Variants in DAB1 observed in about 807,000 individuals in gnomAD.
The protein encoded by DAB1 is DAB adaptor protein 1, also known as disabled homolog 1.
Under a neutral mutation model 64.6 loss-of-function variants are expected in DAB1, and 15 were observed. The ratio of observed to expected loss-of-function variants is 0.23; its 90% CI spans 0.16 to 0.36. DAB1 has a LOEUF of 0.36. Ranked by LOEUF, DAB1 falls within the 10% of genes least tolerant of loss-of-function variation. The pLI, the probability that DAB1 is intolerant of heterozygous loss-of-function variation, is 1.00. For synonymous variants in DAB1, 235 were observed against 251.9 expected, an observed-to-expected ratio of 0.93 and a Z score of 0.64; for missense variants, 596 against 706.7, an observed-to-expected ratio of 0.84 and a Z score of 1.78.
intron 9 of DAB1, among the ~76,000 whole-genome samples, chr1:57,061,261 A>C (rs939469996): frequency 3.4e-5 from 5 of 148,208 alleles, no homozygotes; most frequent in African/African-American, 1.3e-4. Context: ...ATCCTGGAAG[A>C]GTGGGTTATA....
chr1:58,493,116 G>T lies in DAB1; in HGVS notation n.257+12944C>A, dbSNP rs866610596. Among the ~76,000 whole-genome samples, 20 of 152,038 alleles carry T rather than the reference G, an allele frequency of 1.3e-4. No individual in the cohort carries two copies. The Middle Eastern group carries it at 0.01, about 78-fold the overall frequency. ...GGGATGCAAGGCTGGTTCAACATAC[G>T]CAAATCAATAAACGTAATCCAGCAT... On this transcript the variant is annotated intron_variant and non_coding_transcript_variant, in intron 3 of 20. Transcript: ENST00000485760.
chr1:57,358,983 A>G (rs998824707), intron 1 of DAB1, among the ~76,000 whole-genome samples: 2 of 152,102 alleles, frequency 1.3e-5, no homozygotes, highest in Non-Finnish European at 2.9e-5. Flanking sequence ...ATATTAATCA[A>G]AACTACAAAA....
intron 6 of DAB1, among the ~76,000 whole-genome samples, chr1:57,705,359 T>C (rs533474240): frequency 6.6e-6 from 1 of 152,170 alleles, no homozygotes; most frequent in Admixed American, 6.5e-5. Context: ...CTGGATTTTT[T>C]AAAAATCCAT....
rs527685918 is a variant in DAB1 at position 58,321,128 on chromosome 1, C to A, written n.309+22224G>T. Among the ~76,000 whole-genome samples, 29 of 152,350 alleles carry A rather than the reference C, an allele frequency of 1.9e-4. No individual in the cohort carries two copies. The South Asian group carries it at 3.3e-3, about 17-fold the overall frequency. On this transcript the variant is annotated intron_variant and non_coding_transcript_variant, in intron 4 of 20. Transcript: ENST00000485760. ...TGAGTCACCTCATCATCCCCTCTTG[C>A]CTTCTCAGAGCCTCCATTAACTATG...
intron 7 of DAB1, among the ~76,000 whole-genome samples, chr1:57,552,800 A>G (rs575268126): frequency 1.3e-5 from 2 of 152,142 alleles, no homozygotes; most frequent in African/African-American, 2.4e-5. Flanking sequence ...AAGCATTCAG[A>G]TTTATGCTCA....
At chr1:58,357,616 AAGACTT>A (rs1346048355) in intron 3 of DAB1, among the ~76,000 whole-genome samples, 1 of 152,210 alleles carries the variant, frequency 6.6e-6, no homozygotes. Context: ...TTAAGATGGT[AAGACTT>A]TCTGAAACAG....
intron 5 of DAB1, among the ~76,000 whole-genome samples, chr1:58,125,546 ATCT>A (rs972717251): frequency 4.6e-5 from 7 of 150,920 alleles, no homozygotes; most frequent in African/African-American, 1.7e-4. Flanking sequence ...GTCTCAAGTG[ATCT>A]TCTCACCTCA....
chr1:58,391,170 A>C (rs1198582541), intron 3 of DAB1, among the ~76,000 whole-genome samples: 1 of 152,208 alleles, frequency 6.6e-6, no homozygotes, highest in Admixed American at 6.5e-5. Flanking sequence ...AATTGCTACC[A>C]TTTCCAGGCC....
intron 2 of DAB1, among the ~76,000 whole-genome samples, chr1:57,213,415 A>G (rs921320287): frequency 4.6e-5 from 7 of 152,140 alleles, no homozygotes; most frequent in Non-Finnish European, 1.0e-4. Flanking sequence ...CACGGCCACC[A>G]AAATAGATAG....
At chr1:57,766,641 A>G (rs557249370) in intron 6 of DAB1, among the ~76,000 whole-genome samples, 8 of 152,184 alleles carry the variant, frequency 5.3e-5, no homozygotes, top group Admixed American at 2.0e-4. Flanking sequence ...TTTCCCTCAC[A>G]CCAACCATTT....
At chr1:58,090,964 A>G (rs1333932502) in intron 5 of DAB1, among the ~76,000 whole-genome samples, 1 of 152,190 alleles carries the variant, frequency 6.6e-6, no homozygotes, top group Non-Finnish European at 1.5e-5. Context: ...TGCTACACAC[A>G]TTTATTAACC....
intron 2 of DAB1, among the ~76,000 whole-genome samples, chr1:57,218,161 T>C (rs2100365920): frequency 6.6e-6 from 1 of 151,906 alleles, no homozygotes; most frequent in Non-Finnish European, 1.5e-5. Flanking sequence ...CCGGACGAGG[T>C]TGGGAAAGCC....
Position 57,145,330 on chromosome 1 carries a change from C to T in DAB1, c.167G>A (p.Arg56Gln), listed in dbSNP as rs2100824006. 1.2e-6 allele frequency: 2 copies of T among 1,614,064 alleles called. No homozygotes were observed. Among genetic ancestry groups the T allele is most frequent in the Non-Finnish European group, 8.5e-7 (1 of 1,179,976 alleles). ...GGAATCTTGACATAACTTGTCTCCC[C>T]GAGCTGCGGAAACTTCATCAATCCC... Reference protein sequence around the residue: ...LIGIDEVSAARGDKLCQDSMM... With the variant: ...LIGIDEVSAAQGDKLCQDSMM... The change falls in exon 3 of 15, where the codon CGG becomes CAG. Residue 56 changes from arginine to glutamine, a missense_variant. By Grantham distance (43) the Arg-to-Gln change is conservative. Coordinates refer to ENST00000371236, the MANE Select transcript of DAB1 (RefSeq NM_001365792.1).
At chr1:56,999,625 C>T (rs1645768210) in intron 14 of DAB1, among the ~76,000 whole-genome samples, 1 of 152,164 alleles carries the variant, frequency 6.6e-6, no homozygotes, top group South Asian at 2.1e-4. Flanking sequence ...TTGCTTTCTA[C>T]TGTAAAGTGG....
intron 7 of DAB1, among the ~76,000 whole-genome samples, chr1:57,633,646 C>T (rs966491848): frequency 3.3e-5 from 5 of 152,120 alleles, no homozygotes; most frequent in Admixed American, 2.6e-4. Context: ...ACAATCTCTA[C>T]TTTAAAGAAA....
intron 6 of DAB1, among the ~76,000 whole-genome samples, chr1:57,725,072 A>T (rs1647192890): frequency 1.3e-5 from 2 of 152,226 alleles, no homozygotes; most frequent in African/African-American, 4.8e-5. Context: ...TACAGTGGTC[A>T]AGTACAAGGG....
intron 1 of DAB1, among the ~76,000 whole-genome samples, chr1:57,384,029 G>A (rs983657463): frequency 4.6e-5 from 7 of 152,086 alleles, no homozygotes; most frequent in Non-Finnish European, 2.9e-5. Flanking sequence ...AATATATAAA[G>A]TATTCTTACA....
At chr1:58,486,948 G>A (rs560391921) in intron 3 of DAB1, among the ~76,000 whole-genome samples, 96 of 152,320 alleles carry the variant, frequency 6.3e-4, no homozygotes, top group African/African-American at 2.1e-3. Context: ...GCCAAATTAC[G>A]TGCCTGGAAG....
intron 7 of DAB1, among the ~76,000 whole-genome samples, chr1:57,614,903 C>T (rs1440168866): frequency 3.2e-5 from 4 of 126,118 alleles, no homozygotes; most frequent in African/African-American, 1.2e-4. Flanking sequence ...TGGAGTCTCG[C>T]TCTGTCGCCC....
Sources: gnomAD v4.1 joint callset for allele counts (sites outside exome capture counted in the v4.1 genomes callset) on GRCh38, gnomAD v4.1.1 for gene constraint, MANE v1.5 for transcripts, NCBI Gene and HGNC (gene_info 2026-07-23, HGNC 2026-07-21) for gene names.